The following DMD variants were observed in gnomAD, a reference collection of about 807,000 sequenced individuals.
DMD encodes the protein mutant dystrophin.
A neutral mutation model predicts 330.1 loss-of-function variants in DMD; 63 were observed. The observed-to-expected ratio is 0.19, with a 90% confidence interval of 0.16 to 0.24. The LOEUF (loss-of-function observed/expected upper bound fraction) is 0.24. Among genes scored for constraint, DMD ranks in the 10% least tolerant of loss-of-function variants. The probability of loss-of-function intolerance (pLI) is 1.00; values close to 1 mark genes in which losing one functional copy is unlikely to be tolerated. For synonymous variants in DMD, 1,223 were observed against 959.8 expected (o/e 1.27, Z -5.07); for missense variants, 3,344 against 2,684.1 (o/e 1.25, Z -5.43).
At chrX:32,253,722 C>T (rs1279945704) in intron 43 of DMD, among the ~76,000 whole-genome samples, 2 of 106,065 alleles carry the variant, frequency 1.9e-5, no homozygotes, top group Non-Finnish European at 3.9e-5. Context: ...CTGCTGGGTT[C>T]AGGAGATTCT....
In DMD at chrX:32,390,095, G is replaced by T; in HGVS notation, c.4320C>A (p.Val1440=). ...HNQGKEAAQR[V]LSQIDVAQKK... ...CCTGTGCAACATCAATCTGAGACAG[G>T]ACTCTTTGGGCAGCCTCCTTCCCCT... Residue 1440 remains valine, a synonymous_variant, in exon 31 of 79, where the codon GTC becomes GTA. Coordinates refer to ENST00000357033, the MANE Select transcript of DMD (RefSeq NM_004006.3). The T allele has an allele frequency of 8.3e-7, 1 of 1,207,958 alleles. No homozygotes were observed. Among genetic ancestry groups the T allele is most frequent in the Non-Finnish European group, 1.1e-6 (1 of 892,222 alleles).
intron 1 of DMD, among the ~76,000 whole-genome samples, chrX:33,042,892 G>A (rs1423920413): frequency 9.0e-6 from 1 of 111,492 alleles, no homozygotes; most frequent in Non-Finnish European, 1.9e-5. Context: ...TGGAGATTAA[G>A]ACTCATTCAG....
At chrX:31,970,690 A>G (rs2095391342) in intron 44 of DMD, among the ~76,000 whole-genome samples, 1 of 111,130 alleles carries the variant, frequency 9.0e-6, no homozygotes, top group South Asian at 3.8e-4. Context: ...GCTCTATGCC[A>G]CTGTATGAGA....
intron 60 of DMD, among the ~76,000 whole-genome samples, chrX:31,390,247 TCTC>T (rs1036761564): frequency 2.9e-4 from 32 of 109,557 alleles, no homozygotes; most frequent in African/African-American, 1.0e-3. Flanking sequence ...TGACTTCTCT[TCTC>T]CTACCTCTGC....
chrX:32,995,880 T>A (rs2093106241), intron 2 of DMD, among the ~76,000 whole-genome samples: 1 of 112,195 alleles, frequency 8.9e-6, no homozygotes, highest in African/African-American at 3.2e-5. Flanking sequence ...TATGGTAAAC[T>A]GCCAATTATA....
chrX:31,197,762 G>A (rs768806589), intron 67 of DMD, among the ~76,000 whole-genome samples: 21 of 111,120 alleles, frequency 1.9e-4, no homozygotes, highest in Non-Finnish European at 3.0e-4. Context: ...CTACAAAATC[G>A]AAACCACAAA....
chrX:32,313,304 CAT>C (rs1241136438), intron 41 of DMD, among the ~76,000 whole-genome samples: 1 of 111,316 alleles, frequency 9.0e-6, no homozygotes, highest in Non-Finnish European at 1.9e-5. Flanking sequence ...AAAAAAACCA[CAT>C]GATTATCTCA....
chrX:31,676,878 A>C (rs2082108170), intron 53 of DMD, among the ~76,000 whole-genome samples: 1 of 112,353 alleles, frequency 8.9e-6, no homozygotes, highest in African/African-American at 3.2e-5. Flanking sequence ...TAATTTTAGC[A>C]TACATCATTC....
At chrX:32,477,992 A>G (rs1171137918) in intron 21 of DMD, among the ~76,000 whole-genome samples, 1 of 112,006 alleles carries the variant, frequency 8.9e-6, no homozygotes, top group Non-Finnish European at 1.9e-5. Context: ...TTCTAAGATG[A>G]AACAATATTT....
chrX:32,514,957 A>C (rs1281510066), intron 18 of DMD, among the ~76,000 whole-genome samples: 2 of 112,032 alleles, frequency 1.8e-5, no homozygotes, highest in Admixed American at 1.9e-4. Context: ...TCAATGAGAA[A>C]ATATGATAAA....
At chrX:31,576,085 C>T (rs1041845910) in intron 55 of DMD, among the ~76,000 whole-genome samples, 5 of 111,919 alleles carry the variant, frequency 4.5e-5, no homozygotes, top group Admixed American at 9.5e-5. Flanking sequence ...AGACTTCTCA[C>T]GCACCTTTTA....
intron 1 of DMD, among the ~76,000 whole-genome samples, chrX:33,265,011 C>T (rs2053019763): frequency 9.0e-6 from 1 of 110,939 alleles, no homozygotes; most frequent in Admixed American, 9.7e-5. Context: ...AAAAATTATG[C>T]AGAAAGGAGA....
At chrX:31,606,856 A>C (rs900148270) in intron 55 of DMD, among the ~76,000 whole-genome samples, 2 of 111,634 alleles carry the variant, frequency 1.8e-5, no homozygotes, top group African/African-American at 3.3e-5. Context: ...ATGGGGACAA[A>C]ATTCGTTTTA....
chrX:33,084,048 T>G (rs1179842770), intron 1 of DMD, among the ~76,000 whole-genome samples: 2 of 112,073 alleles, frequency 1.8e-5, no homozygotes, highest in Admixed American at 1.9e-4. Flanking sequence ...AGATACCCTG[T>G]AATAGGGCTA....
At chrX:32,246,096 G>T (rs1449382641) in intron 43 of DMD, among the ~76,000 whole-genome samples, 3 of 85,776 alleles carry the variant, frequency 3.5e-5, no homozygotes, top group Non-Finnish European at 6.9e-5. Context: ...ATTGGCTGTG[G>T]GTTTGTCATA....
chrX:32,345,708 A>G (rs1205516726), intron 39 of DMD, among the ~76,000 whole-genome samples: 2 of 110,589 alleles, frequency 1.8e-5, no homozygotes, highest in Non-Finnish European at 3.8e-5. Flanking sequence ...ATGCATTCCC[A>G]TCTTTCAATT....
At chrX:32,665,166 A>G (rs1264640706) in intron 9 of DMD, among the ~76,000 whole-genome samples, 7 of 112,267 alleles carry the variant, frequency 6.2e-5, no homozygotes, top group Non-Finnish European at 1.9e-5. Flanking sequence ...CAACCAACAT[A>G]TATCAGGATA....
At chrX:32,189,920 T>G (rs1410128460) in intron 44 of DMD, among the ~76,000 whole-genome samples, 1 of 111,311 alleles carries the variant, frequency 9.0e-6, no homozygotes, top group African/African-American at 3.3e-5. Context: ...AGGGTACATG[T>G]GCACAACATG....
At chrX:31,811,807 C>T (rs1052430451) in intron 50 of DMD, among the ~76,000 whole-genome samples, 1 of 111,425 alleles carries the variant, frequency 9.0e-6, no homozygotes, top group African/African-American at 3.3e-5. Flanking sequence ...CCTAAAGGTT[C>T]ACCTGAAGCA....
Sources: allele counts gnomAD v4.1 joint callset (sites outside exome capture counted in the v4.1 genomes callset), GRCh38; gene constraint gnomAD v4.1.1; transcripts MANE v1.5; gene names NCBI Gene and HGNC (gene_info 2026-07-23, HGNC 2026-07-21).